Variants in ARMC7 observed in about 807,000 individuals in gnomAD.
ARMC7 encodes armadillo repeat-containing protein 7.
In ARMC7, 9 loss-of-function variants were observed where a neutral mutation model predicts 14.8. The ratio of observed to expected loss-of-function variants is 0.61; its 90% CI spans 0.37 to 1.06. The LOEUF (loss-of-function observed/expected upper bound fraction) is 1.06. Among genes scored for constraint, ARMC7 ranks in the 50% least tolerant of loss-of-function variants. The probability of loss-of-function intolerance (pLI) is 0.01; values close to 1 mark genes in which losing one functional copy is unlikely to be tolerated. For synonymous variants in ARMC7, 125 were observed against 123.4 expected (o/e 1.01, Z -0.09); for missense variants, 262 against 267.1 (o/e 0.98, Z 0.13).
intron 2 of ARMC7, among the ~76,000 whole-genome samples, chr17:75,121,282 C>G (rs2074011667): frequency 6.6e-6 from 1 of 152,160 alleles, no homozygotes. Context: ...TTTCTCTCAC[C>G]TAGGAGTGGA....
chr17:75,128,989 C>G lies in ARMC7; in HGVS notation c.548C>G (p.Ser183Cys). The G allele has an allele frequency of 6.2e-7, 1 of 1,601,170 alleles. No individual in the cohort carries two copies. Among genetic ancestry groups the G allele is most frequent in the Non-Finnish European group, 8.5e-7 (1 of 1,179,632 alleles). Residue 183 changes from serine (S) to cysteine (C), a missense_variant, in exon 3 of 3, where the codon TCT becomes TGT. Ser to Cys is a moderately radical substitution (Grantham distance 112, BLOSUM62 -1). Transcript: ENST00000245543. ...VAEARSRQAH[S>C]ALGIPLPRSV... ...GAGGCCCGCAGCCGGCAGGCGCACT[C>G]TGCCCTGGGTATCCCACTGCCGAGG...
At chr17:75,125,658 C>G (rs536798992) in intron 2 of ARMC7, among the ~76,000 whole-genome samples, 1 of 151,452 alleles carries the variant, frequency 6.6e-6, no homozygotes, top group African/African-American at 2.4e-5. Context: ...GCTAACATGG[C>G]GAAACCCTGT....
intron 2 of ARMC7, among the ~76,000 whole-genome samples, chr17:75,113,914 A>T (rs981247846): frequency 6.6e-6 from 1 of 152,064 alleles, no homozygotes; most frequent in African/African-American, 2.4e-5. Flanking sequence ...CAGCCGTGGG[A>T]GCAGGTTTAG....
chr17:75,123,581 C>G (rs993707072), intron 2 of ARMC7, among the ~76,000 whole-genome samples: 1 of 151,928 alleles, frequency 6.6e-6, no homozygotes, highest in African/African-American at 2.4e-5. Context: ...TCTTGATCTC[C>G]TAATTTTGTG....
At chr17:75,114,434 G>A (rs1293951004) in intron 2 of ARMC7, 3 of 395,060 alleles carry the variant, frequency 7.6e-6, no homozygotes, top group Non-Finnish European at 1.3e-5. Flanking sequence ...CCTGGGCTGG[G>A]TTCTTGCCAT....
At chr17:75,115,356 A>T (rs1475130154) in intron 2 of ARMC7, among the ~76,000 whole-genome samples, 1 of 152,166 alleles carries the variant, frequency 6.6e-6, no homozygotes, top group Non-Finnish European at 1.5e-5. Context: ...CCTGGCCAAC[A>T]TGGCAAAACC....
At chr17:75,115,439 T>C (rs1246712718) in intron 2 of ARMC7, among the ~76,000 whole-genome samples, 3 of 152,024 alleles carry the variant, frequency 2.0e-5, no homozygotes, top group Non-Finnish European at 4.4e-5. Flanking sequence ...ACTCGGAGGC[T>C]GAGGCAGAAG....
At chr17:75,115,117 A>G (rs1192149834) in intron 2 of ARMC7, among the ~76,000 whole-genome samples, 2 of 151,868 alleles carry the variant, frequency 1.3e-5, no homozygotes, top group Non-Finnish European at 2.9e-5. Flanking sequence ...AGGGGAAGAA[A>G]AGGCAGGAGA....
intron 2 of ARMC7, among the ~76,000 whole-genome samples, chr17:75,117,499 C>CG (rs2073981861): frequency 1.3e-5 from 2 of 152,130 alleles, no homozygotes; most frequent in African/African-American, 4.8e-5. Flanking sequence ...AGGTTACAGA[C>CG]AAAGTTTTAA....
At chr17:75,122,072 G>A (rs1189654185) in intron 2 of ARMC7, among the ~76,000 whole-genome samples, 2 of 151,960 alleles carry the variant, frequency 1.3e-5, no homozygotes, top group Non-Finnish European at 1.5e-5. Flanking sequence ...GGTGGCTCAC[G>A]CCTATAATCC....
At chr17:75,124,686 GCCC>G (rs750827359) in intron 2 of ARMC7, among the ~76,000 whole-genome samples, 1 of 152,192 alleles carries the variant, frequency 6.6e-6, no homozygotes, top group Non-Finnish European at 1.5e-5. Context: ...CTTCCAGAGG[GCCC>G]CGCCATTTCC....
At chr17:75,118,493 T>C (rs1191526027) in intron 2 of ARMC7, among the ~76,000 whole-genome samples, 1 of 152,200 alleles carries the variant, frequency 6.6e-6, no homozygotes, top group Non-Finnish European at 1.5e-5. Context: ...CTCTTTCTCC[T>C]GTGGCTTCCT....
intron 2 of ARMC7, among the ~76,000 whole-genome samples, chr17:75,113,035 T>TTATTTTA (rs952656259): frequency 2.0e-5 from 3 of 151,956 alleles, no homozygotes; most frequent in African/African-American, 7.3e-5. Flanking sequence ...TTATTTTATT[T>TTATTTTA]TATTTTTTGA....
intron 2 of ARMC7, among the ~76,000 whole-genome samples, chr17:75,119,806 G>A (rs184459904): frequency 5.9e-5 from 9 of 151,946 alleles, no homozygotes; most frequent in African/African-American, 9.6e-5. Context: ...CAGCATGGGC[G>A]AGTCCCCAGA....
chr17:75,129,143 G>A lies in ARMC7; in HGVS notation c.*105G>A. On this transcript the variant is annotated 3_prime_UTR_variant, in exon 3 of 3. Coordinates refer to ENST00000245543, the MANE Select transcript of ARMC7 (RefSeq NM_024585.4). ...ATACTGCCCCATTGGTGCCTTTTCA[G>A]CCATCTGAAAGGCGGGTTCTTTCAG... 7.0e-7 allele frequency: 1 copy of A among 1,437,666 alleles called. No homozygotes were observed. The allele number at this position is 1,437,666 out of a possible 1,614,324, so 89.1% of individuals were successfully genotyped here.
At chr17:75,115,114 G>A (rs1479089164) in intron 2 of ARMC7, among the ~76,000 whole-genome samples, 6 of 152,178 alleles carry the variant, frequency 3.9e-5, no homozygotes, top group Non-Finnish European at 5.9e-5. Context: ...AGAAGGGGAA[G>A]AAAAGGCAGG....
chr17:75,116,418 G>A (rs1011042255), intron 2 of ARMC7, among the ~76,000 whole-genome samples: 5 of 152,070 alleles, frequency 3.3e-5, no homozygotes, highest in Admixed American at 6.6e-5. Flanking sequence ...ACCGGAGGTC[G>A]GGAGTTCGAG....
At chr17:75,119,539 C>T (rs2073998123) in intron 2 of ARMC7, among the ~76,000 whole-genome samples, 1 of 150,740 alleles carries the variant, frequency 6.6e-6, no homozygotes, top group Non-Finnish European at 1.5e-5. Context: ...AGCTCCGCCT[C>T]CCGGGTTCAC....
chr17:75,117,075 T>TTTTTGG (rs1247844586), intron 2 of ARMC7, among the ~76,000 whole-genome samples: 2 of 152,170 alleles, frequency 1.3e-5, no homozygotes, highest in Non-Finnish European at 2.9e-5. Flanking sequence ...TTTGTTTTTG[T>TTTTTGG]TTTTGGTTTT....
Sources: gnomAD v4.1 joint callset for allele counts (sites outside exome capture counted in the v4.1 genomes callset) on GRCh38, gnomAD v4.1.1 for gene constraint, MANE v1.5 for transcripts, NCBI Gene and HGNC (gene_info 2026-07-23, HGNC 2026-07-21) for gene names.